Variants in AAK1 observed in about 807,000 individuals in gnomAD.
AAK1 encodes the protein AP2 associated kinase 1.
Under a neutral mutation model 116.0 loss-of-function variants are expected in AAK1, and 37 were observed. The ratio of observed to expected loss-of-function variants is 0.32; its 90% confidence interval spans 0.25 to 0.42. The LOEUF (loss-of-function observed/expected upper bound fraction) is 0.42. Ranked by LOEUF, AAK1 falls within the 10% of genes least tolerant of loss-of-function variation. The pLI, the probability that AAK1 is intolerant of heterozygous loss-of-function variation, is 1.00. For missense variants in AAK1, 919 were observed against 1,170.6 expected (o/e 0.79, Z 3.14); for synonymous variants, 458 against 439.9 (o/e 1.04, Z -0.51).
intron 18 of AAK1, 150 bp from the exon 19 acceptor site, chr2:69,481,111 C>T: frequency 1.6e-6 from 1 of 623,262 alleles, no homozygotes; most frequent in Non-Finnish European, 2.6e-6. Context: ...TCTATCCCAC[C>T]TTGGCCTCCC....
At chr2:69,536,461 T>A (rs551614342) in intron 5 of AAK1, among the ~76,000 whole-genome samples, 2 of 152,076 alleles carry the variant, frequency 1.3e-5, no homozygotes, top group Non-Finnish European at 2.9e-5. Flanking sequence ...CAGGTGTGAA[T>A]AGATTATGTG....
intron 2 of AAK1, among the ~76,000 whole-genome samples, chr2:69,564,600 A>C (rs58196770): frequency 0.044 from 6,763 of 152,238 alleles, 525 homozygotes; most frequent in African/African-American, 0.16. Flanking sequence ...TTAGGGAAGG[A>C]GCTATGCCCC....
At chr2:69,578,042 C>A (rs778870538) in intron 2 of AAK1, among the ~76,000 whole-genome samples, 1 of 152,152 alleles carries the variant, frequency 6.6e-6, no homozygotes, top group Non-Finnish European at 1.5e-5. Context: ...TTCTCCACCC[C>A]CTTCCCTCCC....
Position 69,474,814 on chromosome 2 carries a change from A to G in AAK1, c.*1055T>C. 1.0e-6 allele frequency: 1 copy of G among 985,812 alleles called. No individual in the cohort carries two copies. Among genetic ancestry groups the G allele is most frequent in the Non-Finnish European group, 1.2e-6 (1 of 829,932 alleles). The allele number at this position is 985,812 out of a possible 1,614,324, so 61.1% of individuals were successfully genotyped here. On this transcript the variant is annotated 3_prime_UTR_variant, in exon 22 of 22. Transcript: ENST00000409085. ...AGTTATACAAGGGAAAGAAATCAAA[A>G]CCCTGTACAGACACCTGATATCAGA...
chr2:69,466,427 G>C lies in AAK1; in HGVS notation c.*9442C>G, dbSNP rs1305347341. The C allele has an allele frequency of 7.8e-7, 1 of 1,289,762 alleles. No homozygotes were observed. The highest frequency in any genetic ancestry group is 2.3e-5 in the Admixed American group (1 of 43,560). The allele number at this position is 1,289,762 out of a possible 1,614,324, so 79.9% of individuals were successfully genotyped here. On this transcript the variant is annotated 3_prime_UTR_variant, in exon 22 of 22. Transcript: ENST00000409085. ...TGGCCAAGTAGTCAGATTCTAAGTTGTTCTGAGTCTTTGTGCCAGGTACTC... is the reference window on the plus strand; with the variant it reads ...TGGCCAAGTAGTCAGATTCTAAGTTCTTCTGAGTCTTTGTGCCAGGTACTC...
intron 2 of AAK1, among the ~76,000 whole-genome samples, chr2:69,559,199 A>G (rs565585086): frequency 2.0e-4 from 30 of 152,040 alleles, no homozygotes; most frequent in Non-Finnish European, 1.5e-4. Context: ...TTGTATCTCA[A>G]TAACATTTTC....
chr2:69,623,901 G>A (rs1316325437), intron 2 of AAK1, among the ~76,000 whole-genome samples: 2 of 152,012 alleles, frequency 1.3e-5, no homozygotes, highest in African/African-American at 4.8e-5. Flanking sequence ...TATAACAAAG[G>A]ATTAATGTCT....
intron 2 of AAK1, among the ~76,000 whole-genome samples, chr2:69,561,535 T>G (rs1558962799): frequency 1.3e-5 from 2 of 152,364 alleles, no homozygotes; most frequent in East Asian, 1.9e-4. Flanking sequence ...TTCACAAGAA[T>G]GCACAGAGCT....
intron 2 of AAK1, among the ~76,000 whole-genome samples, chr2:69,573,571 T>C (rs1369681260): frequency 6.6e-6 from 1 of 152,212 alleles, no homozygotes; most frequent in Non-Finnish European, 1.5e-5. Context: ...TCTGGTAGAA[T>C]GTTGGCTGGC....
At chr2:69,636,794 G>C (rs1158532149) in intron 2 of AAK1, among the ~76,000 whole-genome samples, 1 of 151,896 alleles carries the variant, frequency 6.6e-6, no homozygotes, top group African/African-American at 2.4e-5. Context: ...CTGCCTCCCG[G>C]ATTCAAGCGA....
intron 2 of AAK1, among the ~76,000 whole-genome samples, chr2:69,600,416 C>G (rs1405203121): frequency 6.6e-6 from 1 of 151,786 alleles, no homozygotes; most frequent in Non-Finnish European, 1.5e-5. Context: ...TTGGAAGAAG[C>G]TGATTCCAAC....
At chr2:69,520,155 C>G (rs957899815) in intron 11 of AAK1, 1 of 226,538 alleles carries the variant, frequency 4.4e-6, no homozygotes, top group Non-Finnish European at 9.4e-6. Flanking sequence ...CTGCCCTGGA[C>G]TGAACTCAAC....
chr2:69,623,808 C>G (rs1314252079), intron 2 of AAK1, among the ~76,000 whole-genome samples: 1 of 151,896 alleles, frequency 6.6e-6, no homozygotes, highest in Non-Finnish European at 1.5e-5. Flanking sequence ...GACTAACATA[C>G]TTGATAGCAC....
intron 2 of AAK1, among the ~76,000 whole-genome samples, chr2:69,634,133 G>A (rs1029235276): frequency 1.3e-5 from 2 of 152,196 alleles, no homozygotes; most frequent in African/African-American, 4.8e-5. Flanking sequence ...TTGTGCCACT[G>A]CACTCTAGCC....
At chr2:69,620,059 G>A (rs549101787) in intron 2 of AAK1, among the ~76,000 whole-genome samples, 1 of 152,280 alleles carries the variant, frequency 6.6e-6, no homozygotes, top group East Asian at 1.9e-4. Context: ...GTAGACTGAG[G>A]AGGCTCAGGC....
chr2:69,627,316 C>G (rs1001364934), intron 2 of AAK1, among the ~76,000 whole-genome samples: 26 of 150,536 alleles, frequency 1.7e-4, no homozygotes, highest in Non-Finnish European at 3.4e-4. Flanking sequence ...AAAAAAGATT[C>G]TCATGGAGCT....
In AAK1 at chr2:69,468,081, A is replaced by G; in HGVS notation, c.*7788T>C. 1 of 985,432 alleles carries G rather than the reference A, an allele frequency of 1.0e-6. No individual in the cohort carries two copies. The highest frequency in any genetic ancestry group is 1.7e-5 in the African/African-American group (1 of 57,366). The allele number at this position is 985,432 out of a possible 1,614,324, so 61.0% of individuals were successfully genotyped here. On this transcript the variant is annotated 3_prime_UTR_variant, in exon 22 of 22. Transcript: ENST00000409085. ...AAGTTAAATTCTGTACTGGTGCCAA[A>G]TGGCTTTCAGAATAGTATTTGAAGA...
At chr2:69,507,100 T>C (rs953114684) in intron 15 of AAK1, among the ~76,000 whole-genome samples, 1 of 152,152 alleles carries the variant, frequency 6.6e-6, no homozygotes, top group Non-Finnish European at 1.5e-5. Context: ...ATCACACTCC[T>C]CCAAGGAGGG....
intron 2 of AAK1, among the ~76,000 whole-genome samples, chr2:69,569,536 C>T (rs1672010845): frequency 6.6e-6 from 1 of 152,076 alleles, no homozygotes; most frequent in African/African-American, 2.4e-5. Context: ...CTTCAGTGTG[C>T]TATTGGATGA....
Sources: gnomAD v4.1 joint callset for allele counts (sites outside exome capture counted in the v4.1 genomes callset) on GRCh38, gnomAD v4.1.1 for gene constraint, MANE v1.5 for transcripts, NCBI Gene and HGNC (gene_info 2026-07-23, HGNC 2026-07-21) for gene names.